MBD1: variants seen among roughly 807,000 people sequenced by gnomAD.
The protein encoded by MBD1 is methyl-CpG binding domain protein 1.
MBD1 carries 25 observed loss-of-function variants against 82.6 expected under a neutral mutation model. The observed-to-expected ratio is 0.30, with a 90% confidence interval of 0.22 to 0.42. The LOEUF (loss-of-function observed/expected upper bound fraction) is 0.42. Among genes scored for constraint, MBD1 ranks in the 10% least tolerant of loss-of-function variants. MBD1 has a pLI of 1.00. For missense variants in MBD1, 627 were observed against 819.6 expected, an observed-to-expected ratio of 0.76 and a Z score of 2.87; for synonymous variants, 301 against 303.7, an observed-to-expected ratio of 0.99 and a Z score of 0.09.
At chr18:50,281,704 A>C, upstream of MBD1, 1 of 412,842 alleles carries the variant, frequency 2.4e-6, no homozygotes, top group Non-Finnish European at 4.3e-6. Context: ...ACGTTCAACG[A>C]CAGCTAACCC....
chr18:50,269,760 T>C lies in MBD1; in HGVS notation c.*91A>G. On this transcript the variant is annotated 3_prime_UTR_variant, in exon 17 of 17. Transcript: ENST00000269468. ...CAGCTCGTGCTCGTGGGCTCCACTG[T>C]GTCCTCGGTCTCCCACACTTTACAT... is the stretch of plus-strand genomic sequence containing the variant. The C allele has an allele frequency of 2.6e-6, 2 of 782,516 alleles. No homozygotes were observed. The highest frequency in any genetic ancestry group is 4.8e-6 in the Non-Finnish European group (2 of 419,416). The allele number at this position is 782,516 out of a possible 1,614,324, so 48.5% of individuals were successfully genotyped here.
intron 16 of MBD1, chr18:50,270,876 TTAAA>T (rs974278994): frequency 4.9e-5 from 12 of 244,354 alleles, no homozygotes; most frequent in Non-Finnish European, 8.1e-5. Context: ...AACAAGGGCT[TTAAA>T]AGCTGGGTTT....
intron 2 of MBD1, among the ~76,000 whole-genome samples, chr18:50,278,394 C>T (rs2038907616): frequency 6.6e-6 from 1 of 152,016 alleles, no homozygotes; most frequent in South Asian, 2.1e-4. Flanking sequence ...TGATCTGTAA[C>T]CCAGGAGTCT....
In MBD1 at chr18:50,269,572, T is replaced by C; in HGVS notation, c.*279A>G. On this transcript the variant is annotated 3_prime_UTR_variant, in exon 17 of 17. Transcript: ENST00000269468. ...GGCCTGCAGCCAGGCCTGCAGCTGC[T>C]CCACCTTCCCCAGGATCATCCTTTC... 1.4e-6 allele frequency: 1 copy of C among 718,624 alleles called. No individual in the cohort carries two copies. The highest frequency in any genetic ancestry group is 2.6e-6 in the Non-Finnish European group (1 of 385,264). The allele number at this position is 718,624 out of a possible 1,614,324, so 44.5% of individuals were successfully genotyped here.
In MBD1 at chr18:50,271,235, A is replaced by G. The variant is rs146051294; in HGVS notation, c.*32+234T>C. 9.1e-5 allele frequency: 126 copies of G among 1,377,330 alleles called. No homozygotes were observed. In the African/African-American group the frequency reaches 1.3e-3, roughly 14 times the overall value. The allele number at this position is 1,377,330 out of a possible 1,614,324, so 85.3% of individuals were successfully genotyped here. A position where few individuals can be genotyped will look rare whatever the true frequency, so the allele number is the denominator to read the frequency against. The stretch of plus-strand genomic sequence containing the variant: ...CCAGCTCCCCCACCCTTAAAATCCA[A>G]CTTCTTATACTCAGGCTCTTGGGGA... On this transcript the variant is annotated intron_variant, in intron 16 of 16. Coordinates refer to ENST00000269468, the MANE Select transcript of MBD1 (RefSeq NM_015846.4).
chr18:50,270,671 A>G, intron 16 of MBD1: 1 of 246,012 alleles, frequency 4.1e-6, no homozygotes, highest in Non-Finnish European at 8.2e-6. Flanking sequence ...GTCTGCAGGA[A>G]ACCCAGTTTC....
chr18:50,276,302 T>C, intron 6 of MBD1, 76 bp downstream of exon 6: 1 of 1,451,948 alleles, frequency 6.9e-7, no homozygotes, highest in African/African-American at 1.4e-5. Context: ...CCCATCATCA[T>C]CCCTTCAGAC....
rs1391938551 is a variant in MBD1 at position 50,275,134 on chromosome 18, C to G, written c.904G>C (p.Glu302Gln). ...TCCACCCACTGGGGCCTCACCGGCT[C>G]TGTGGGCTCTGGGGACTGTGATGGG... ...PPPSQSPEPT[E>Q]PHPRALAPSP... The change falls in exon 9 of 17, where the codon GAG (glutamate) becomes CAG (glutamine). Residue 302 changes from glutamate to glutamine, a missense_variant. By Grantham distance (29) the Glu-to-Gln change is conservative. Around this residue, in one of 6 missense-constraint regions of MBD1, gnomAD observed 228 missense variants for 318.1 expected, o/e 0.72. Coordinates refer to ENST00000269468, the MANE Select transcript of MBD1 (RefSeq NM_015846.4). 6.2e-6 allele frequency: 10 copies of G among 1,613,858 alleles called. No individual in the cohort carries two copies. The Admixed American group carries it at 1.3e-4, about 22-fold the overall frequency.
At chr18:50,279,353 C>A (rs1048899257) in intron 2 of MBD1, among the ~76,000 whole-genome samples, 1 of 152,144 alleles carries the variant, frequency 6.6e-6, no homozygotes, top group African/African-American at 2.4e-5. Flanking sequence ...TCTGGTTGTA[C>A]CATAATTCTG....
chr18:50,267,936 A>G (rs756125139), downstream of MBD1, among the ~76,000 whole-genome samples: 1 of 152,248 alleles, frequency 6.6e-6, no homozygotes, highest in Non-Finnish European at 1.5e-5. Context: ...CAGCCACGAA[A>G]TAATGTTTTT....
intron 5 of MBD1, 94 bp from the exon 6 acceptor site, chr18:50,276,512 C>T: frequency 6.9e-7 from 1 of 1,459,306 alleles, no homozygotes; most frequent in Non-Finnish European, 9.6e-7. Context: ...ACTATTCAAC[C>T]TCTACCTATG....
chr18:50,278,965 C>A (rs2039162698), intron 2 of MBD1, among the ~76,000 whole-genome samples: 1 of 152,220 alleles, frequency 6.6e-6, no homozygotes, highest in African/African-American at 2.4e-5. Context: ...ACAAGCCAAT[C>A]TCATTGACAT....
rs1209357398 is a variant in MBD1, at chr18:50,268,892, TTAGAGA to T, written c.*953_*958del. On this transcript the variant is annotated 3_prime_UTR_variant, in exon 17 of 17. Coordinates refer to ENST00000269468, the MANE Select transcript of MBD1 (RefSeq NM_015846.4). ...AAAAATAATTTTAAAATAGAACAGC[TTAGAGA>T]TAGAAACTAAATTATTTCCAATTCC... 1.0e-6 allele frequency: 1 copy of T among 983,058 alleles called. No individual in the cohort carries two copies. Among genetic ancestry groups the T allele is most frequent in the Non-Finnish European group, 1.2e-6 (1 of 827,778 alleles). 60.9% of individuals were successfully genotyped at this position (983,058 alleles called of 1,614,324 possible).
chr18:50,270,445 T>G (rs1476749543), intron 16 of MBD1: 1 of 422,186 alleles, frequency 2.4e-6, no homozygotes, highest in Non-Finnish European at 4.7e-6. Context: ...GAATTCAGCC[T>G]CCTAGAACAC....
At chr18:50,268,367 T>C (rs1403263862), downstream of MBD1, among the ~76,000 whole-genome samples, 1 of 152,278 alleles carries the variant, frequency 6.6e-6, no homozygotes, top group South Asian at 2.1e-4. Context: ...TCGAACGTCC[T>C]AGGTCGTCGA....
chr18:50,276,469 C>T, intron 5 of MBD1, 51 bp from the exon 6 acceptor site: 2 of 1,576,910 alleles, frequency 1.3e-6, no homozygotes, highest in Non-Finnish European at 1.7e-6. Flanking sequence ...CAACAGACAT[C>T]TGACTTCACT....
rs919882838 is a variant in MBD1 at position 50,277,107 on chromosome 18, A to C, written c.208T>G (p.Cys70Gly). The C allele has an allele frequency of 1.7e-5, 28 of 1,614,148 alleles. No individual in the cohort carries two copies. Among genetic ancestry groups the C allele is most frequent in the Non-Finnish European group, 1.7e-6 (2 of 1,180,056 alleles). Residue 70 changes from cysteine (C) to glycine (G), a missense_variant, in exon 3 of 17, where the codon TGC becomes GGC. This residue lies in a region of MBD1 where 75 missense variants were observed against 74.7 expected (regional missense o/e 1.00). Transcript: ENST00000269468. ...TLFDFKQGIL[C>G]YPAPKAHPVA... ...TGAAGTACCTTGGGGGCTGGATAGC[A>C]CAAGATGCCTTGTTTGAAGTCGAAG...
chr18:50,270,186 C>T lies in MBD1; in HGVS notation c.*33-368G>A. ...GGTGGGGAAGGTGGCAGAGGCTGGA[C>T]TGTATGAGACAGAACTGGGAAATGG... On this transcript the variant is annotated intron_variant, in intron 16 of 16. Transcript: ENST00000269468. 3.1e-6 allele frequency: 5 copies of T among 1,590,316 alleles called. No homozygotes were observed. In the African/African-American group the frequency reaches 5.3e-5, roughly 17 times the overall value.
intron 15 of MBD1, 145 bp downstream of exon 15, chr18:50,272,532 C>T: frequency 1.2e-6 from 1 of 858,934 alleles, no homozygotes. Flanking sequence ...ACACACACGC[C>T]CCTCATTAAT....
Sources: gnomAD v4.1 joint callset for allele counts (sites outside exome capture counted in the v4.1 genomes callset) on GRCh38, gnomAD v4.1.1 for gene constraint, gnomAD v4.1.1 regional missense constraint, MANE v1.5 for transcripts, NCBI Gene and HGNC (gene_info 2026-07-23, HGNC 2026-07-21) for gene names.